Variants in UTP6 observed in about 807,000 individuals in gnomAD.
UTP6 encodes the protein UTP6 small subunit processome component.
UTP6 carries 60 observed loss-of-function variants against 96.5 expected under a neutral mutation model. That is an observed-to-expected ratio of 0.62 (90% CI 0.51 to 0.77). The LOEUF (loss-of-function observed/expected upper bound fraction) is 0.77. Among genes scored for constraint, UTP6 ranks in the 30% least tolerant of loss-of-function variants. The pLI is 0.00. For synonymous variants in UTP6, 215 were observed against 240.1 expected (o/e 0.90, Z 0.96); for missense variants, 637 against 706.5 (o/e 0.90, Z 1.12).
chr17:31,884,330 G>GT (rs1351966249), intron 10 of UTP6, 94 bp downstream of exon 10: 20 of 988,476 alleles, frequency 2.0e-5, no homozygotes, highest in Non-Finnish European at 2.9e-5. Flanking sequence ...ATTTAGTGTG[G>GT]TATCTTCTTT....
intron 2 of UTP6, among the ~76,000 whole-genome samples, chr17:31,895,550 T>C (rs186447552): frequency 2.8e-4 from 42 of 152,294 alleles, no homozygotes; most frequent in African/African-American, 9.6e-4. Context: ...TTTTGTTTTT[T>C]TGAGACGGGG....
Position 31,862,427 on chromosome 17 carries a change from G to T in UTP6, c.*932C>A, listed in dbSNP as rs149574517. The T allele has an allele frequency of 2.0e-5, 3 of 152,226 alleles. No individual in the cohort carries two copies. The highest frequency in any genetic ancestry group is 4.4e-5 in the Non-Finnish European group (3 of 68,022). The allele number at this position is 152,226 out of a possible 1,614,324, so 9.4% of individuals were successfully genotyped here. On this transcript the variant is annotated 3_prime_UTR_variant, in exon 19 of 19. Transcript: ENST00000261708. ...ACAGAAAAACAATACTAAGTGAAAC[G>T]TAACAATAAGCTACACTGAAAGCTT... is the stretch of plus-strand genomic sequence containing the variant.
intron 2 of UTP6, among the ~76,000 whole-genome samples, chr17:31,895,588 C>T (rs1175392227): frequency 6.6e-6 from 1 of 152,106 alleles, no homozygotes. Context: ...GGCTAGAGTG[C>T]AGTGGCATAA....
At chr17:31,892,642 T>G in intron 5 of UTP6, 105 bp downstream of exon 5, 1 of 1,409,834 alleles carries the variant, frequency 7.1e-7, no homozygotes, top group Non-Finnish European at 9.8e-7. Flanking sequence ...GGTTCTTTTT[T>G]CATGTTAACC....
chr17:31,894,509 G>A, intron 4 of UTP6, 136 bp downstream of exon 4: 1 of 625,574 alleles, frequency 1.6e-6, no homozygotes, highest in Non-Finnish European at 2.7e-6. Flanking sequence ...AAAATGTTTT[G>A]AGTAATGATA....
At chr17:31,871,965 G>A (rs11658339) in intron 16 of UTP6, among the ~76,000 whole-genome samples, 111,694 of 151,896 alleles carry the variant, frequency 0.74, 42,055 homozygotes, top group East Asian at 0.84. Flanking sequence ...AGGCCGAGGC[G>A]GGCAGGTCAC....
At chr17:31,898,114 G>A (rs1598122381) in intron 2 of UTP6, among the ~76,000 whole-genome samples, 1 of 152,164 alleles carries the variant, frequency 6.6e-6, no homozygotes, top group African/African-American at 2.4e-5. Flanking sequence ...AAGAGAGAAA[G>A]AGGAGGGGAA....
intron 11 of UTP6, chr17:31,880,196 G>T (rs751726786): frequency 2.7e-5 from 6 of 223,450 alleles, no homozygotes; most frequent in Admixed American, 1.0e-4. Flanking sequence ...AAGGCAAGTA[G>T]ATCGCCTGAG....
In UTP6 at chr17:31,873,743, G is replaced by A. The variant is rs761895113; in HGVS notation, c.1316C>T (p.Pro439Leu). 34 of 1,609,210 alleles carry A rather than the reference G, an allele frequency of 2.1e-5. 2 individuals carry two copies. The South Asian group carries it at 3.5e-4, about 17-fold the overall frequency. The change falls in exon 15 of 19, where the codon CCA (proline) becomes CTA (leucine). Residue 439 changes from proline to leucine, a missense_variant. Physicochemically the swap from Pro to Leu is moderately conservative, Grantham distance 98 (BLOSUM62 -3). Coordinates refer to ENST00000261708, the MANE Select transcript of UTP6 (RefSeq NM_018428.3). Reference protein sequence around the residue: ...FVHLKPQVCLPLWISWAEWSE... With the variant: ...FVHLKPQVCLLLWISWAEWSE... ...CCACTCTGCCCAGGAAATCCACAAT[G>A]GCAGACAAACCTACTCCCAGTTTAA...
intron 9 of UTP6, 39 bp from the exon 10 acceptor site, chr17:31,884,544 A>G (rs762016337): frequency 1.3e-5 from 20 of 1,483,596 alleles, no homozygotes; most frequent in Middle Eastern, 1.8e-4. Context: ...TTTATTGCCA[A>G]TAAGAATCAC....
At chr17:31,867,860 G>A (rs1909916090) in intron 17 of UTP6, among the ~76,000 whole-genome samples, 186 bp downstream of exon 17, 1 of 152,010 alleles carries the variant, frequency 6.6e-6, no homozygotes, top group Non-Finnish European at 1.5e-5. Context: ...GGGGGGCTGA[G>A]GCAGGAGAAT....
chr17:31,894,061 G>A (rs1466839570), intron 4 of UTP6, among the ~76,000 whole-genome samples: 1 of 151,696 alleles, frequency 6.6e-6, no homozygotes, highest in African/African-American at 2.4e-5. Context: ...TTGAGCCCAG[G>A]AGTTCGAGAC....
At chr17:31,871,320 G>A (rs753105881) in intron 16 of UTP6, among the ~76,000 whole-genome samples, 6 of 151,964 alleles carry the variant, frequency 3.9e-5, no homozygotes, top group East Asian at 3.9e-4. Context: ...ATGAAGTCTC[G>A]TTGTGTTGCC....
chr17:31,866,689 A>C (rs1456935394), intron 17 of UTP6: 1 of 141,612 alleles, frequency 7.1e-6, no homozygotes, highest in Non-Finnish European at 1.5e-5. Context: ...CCAAGAGTCC[A>C]GCCTGGGCGA....
chr17:31,892,859 T>G, intron 4 of UTP6, 65 bp from the exon 5 acceptor site: 1 of 1,590,064 alleles, frequency 6.3e-7, no homozygotes, highest in Non-Finnish European at 8.6e-7. Context: ...ACCTTTGCAT[T>G]AATTAATTTT....
chr17:31,897,282 G>GAA (rs745925222), intron 2 of UTP6, among the ~76,000 whole-genome samples: 1 of 146,004 alleles, frequency 6.8e-6, no homozygotes. Flanking sequence ...GTATTATTTG[G>GAA]AAAAAAAAAA....
At chr17:31,873,616 A>G in intron 15 of UTP6, 57 bp downstream of exon 15, 1 of 1,612,492 alleles carries the variant, frequency 6.2e-7, no homozygotes, top group Non-Finnish European at 8.5e-7. Flanking sequence ...GAGCTGACCA[A>G]CCAGGGAACC....
chr17:31,879,567 G>C, intron 11 of UTP6, among the ~76,000 whole-genome samples: 1 of 151,884 alleles, frequency 6.6e-6, no homozygotes, highest in Admixed American at 6.6e-5. Context: ...AGCTACTCAG[G>C]GGGTTGAGGC....
At chr17:31,877,079 A>G (rs752363602) in intron 13 of UTP6, among the ~76,000 whole-genome samples, 2 of 152,154 alleles carry the variant, frequency 1.3e-5, no homozygotes, top group Non-Finnish European at 2.9e-5. Context: ...AGTGTCAAGG[A>G]AACAGGTATA....
Sources: gnomAD v4.1 joint callset for allele counts (sites outside exome capture counted in the v4.1 genomes callset) on GRCh38, gnomAD v4.1.1 for gene constraint, MANE v1.5 for transcripts, NCBI Gene and HGNC (gene_info 2026-07-23, HGNC 2026-07-21) for gene names.